BAIAP2L1: variants seen among roughly 807,000 people sequenced by gnomAD.
BAIAP2L1 encodes the protein BAR/IMD domain containing adaptor protein 2 like 1, also known as BAR/IMD domain-containing adapter protein 2-like 1.
BAIAP2L1 carries 35 observed loss-of-function variants against 66.3 expected under a neutral mutation model. The observed-to-expected ratio is 0.53, with a 90% confidence interval of 0.40 to 0.70. The LOEUF is 0.70. BAIAP2L1 is among the 30% of genes least tolerant of loss of function. The pLI, the probability that BAIAP2L1 is intolerant of heterozygous loss-of-function variation, is 0.00. For synonymous variants in BAIAP2L1, 269 were observed against 248.7 expected (o/e 1.08, Z -0.77); for missense variants, 622 against 656.9 (o/e 0.95, Z 0.58).
At chr7:98,394,648 C>T (rs74922067) in intron 1 of BAIAP2L1, among the ~76,000 whole-genome samples, 24 of 152,246 alleles carry the variant, frequency 1.6e-4, no homozygotes, top group Non-Finnish European at 2.8e-4. Context: ...GCAACTGGTG[C>T]GTCACTGTGG....
intron 12 of BAIAP2L1, among the ~76,000 whole-genome samples, chr7:98,296,031 G>C (rs1800174343): frequency 6.6e-6 from 1 of 152,124 alleles, no homozygotes; most frequent in South Asian, 2.1e-4. Context: ...GGCAGCCCTG[G>C]AGAAACAGCC....
At chr7:98,380,645 C>T (rs1802732870) in intron 1 of BAIAP2L1, among the ~76,000 whole-genome samples, 1 of 151,260 alleles carries the variant, frequency 6.6e-6, no homozygotes, top group Admixed American at 6.6e-5. Context: ...ATCACCCAGG[C>T]TGGTTTCAGA....
At chr7:98,365,229 T>G (rs139974479) in intron 1 of BAIAP2L1, among the ~76,000 whole-genome samples, 24 of 152,126 alleles carry the variant, frequency 1.6e-4, no homozygotes, top group African/African-American at 5.5e-4. Context: ...ATGTGGAAAA[T>G]TATGTCCTTC....
Position 98,330,004 on chromosome 7 carries a change from C to T in BAIAP2L1, c.215-9706G>A, listed in dbSNP as rs538158163. On this transcript the variant is annotated intron_variant, in intron 3 of 13. Coordinates refer to ENST00000005260, the MANE Select transcript of BAIAP2L1 (RefSeq NM_018842.5). ...CAGAGGAAAACCAAAGCCTCTGACT[C>T]CGTTACAAATACAGCTTCCTCTATC... is the stretch of plus-strand genomic sequence containing the variant. Among the ~76,000 whole-genome samples, 21 of 152,276 alleles carry T rather than the reference C, an allele frequency of 1.4e-4. 1 individual carries two copies. Among genetic ancestry groups the T allele is most frequent in the Middle Eastern group, 6.8e-3 (2 of 294 alleles).
intron 1 of BAIAP2L1, among the ~76,000 whole-genome samples, chr7:98,376,211 A>G (rs1802624001): frequency 6.6e-6 from 1 of 152,110 alleles, no homozygotes; most frequent in African/African-American, 2.4e-5. Context: ...AGTCAATTAA[A>G]CACTAATCTA....
Position 98,292,873 on chromosome 7 carries a change from G to A in BAIAP2L1, c.*648C>T, listed in dbSNP as rs188329372. On this transcript the variant is annotated 3_prime_UTR_variant, in exon 14 of 14. Transcript: ENST00000005260. ...CTAACTACCAAGAAAAGGAGCTCTC[G>A]GAGGAGATTTCGTCGAGTGCTACGT... The A allele has an allele frequency of 9.0e-4, 1,306 of 1,445,414 alleles. 2 individuals are homozygous for A. The highest frequency in any genetic ancestry group is 1.0e-3 in the Non-Finnish European group (1,111 of 1,100,566). 89.5% of individuals were successfully genotyped at this position (1,445,414 alleles called of 1,614,324 possible). A position where few individuals can be genotyped will look rare whatever the true frequency, so the allele number is the denominator to read the frequency against.
intron 3 of BAIAP2L1, among the ~76,000 whole-genome samples, chr7:98,351,572 GGAGA>G (rs1227608477): frequency 9.9e-5 from 15 of 152,096 alleles, no homozygotes; most frequent in Non-Finnish European, 2.2e-4. Context: ...GAGACAATGG[GGAGA>G]GAGAGGATGT....
rs149353640 is a variant in BAIAP2L1, at chr7:98,355,099, C to T, written c.157G>A (p.Asp53Asn). ...ATCTCACCGATCTTGGCCACTCCAT[C>T]GTAGTAGGCTTTTCCTGCCAGGATC... ...AMILAGKAYYDGVAKIGEIAT... is the reference protein window; with the variant it reads ...AMILAGKAYYNGVAKIGEIAT... Residue 53 changes from aspartate (D) to asparagine (N), a missense_variant, in exon 3 of 14, where the codon GAT becomes AAT. By Grantham distance (23) the Asp-to-Asn change is conservative. Coordinates refer to ENST00000005260, the MANE Select transcript of BAIAP2L1 (RefSeq NM_018842.5). The T allele has an allele frequency of 2.0e-5, 32 of 1,613,700 alleles. No individual in the cohort carries two copies. The highest frequency in any genetic ancestry group is 1.6e-4 in the Middle Eastern group (1 of 6,084).
chr7:98,353,454 ATATT>A (rs1327810755), intron 3 of BAIAP2L1, among the ~76,000 whole-genome samples: 1 of 136,124 alleles, frequency 7.3e-6, no homozygotes, highest in African/African-American at 2.7e-5. Flanking sequence ...ATATACATAC[ATATT>A]TATATTATAA....
intron 1 of BAIAP2L1, among the ~76,000 whole-genome samples, chr7:98,367,584 A>G (rs1249902434): frequency 7.6e-6 from 1 of 131,732 alleles, no homozygotes; most frequent in Non-Finnish European, 1.6e-5. Flanking sequence ...CGCCCAGGCT[A>G]GAGTGCAGTG....
chr7:98,360,346 CTTGTGTTCTAACGT>C (rs1310987038), intron 2 of BAIAP2L1, among the ~76,000 whole-genome samples: 2 of 152,148 alleles, frequency 1.3e-5, no homozygotes, highest in South Asian at 4.1e-4. Context: ...CCCAGCCTGC[CTTGTGTTCTAACGT>C]AACTGTGGAC....
At chr7:98,348,568 AC>A (rs1199211606) in intron 3 of BAIAP2L1, among the ~76,000 whole-genome samples, 32 of 146,102 alleles carry the variant, frequency 2.2e-4, no homozygotes, top group South Asian at 1.9e-3. Context: ...CTCTGCCTCC[AC>A]AAAAAAAAAA....
At chr7:98,394,849 C>T (rs998809422) in intron 1 of BAIAP2L1, among the ~76,000 whole-genome samples, 6 of 152,182 alleles carry the variant, frequency 3.9e-5, no homozygotes, top group Admixed American at 1.3e-4. Flanking sequence ...CAGTGGCTCA[C>T]GCCTGCAATC....
At chr7:98,360,049 C>T (rs995603395) in intron 2 of BAIAP2L1, among the ~76,000 whole-genome samples, 1 of 151,778 alleles carries the variant, frequency 6.6e-6, no homozygotes, top group Non-Finnish European at 1.5e-5. Flanking sequence ...CAGCCTCCCA[C>T]GTAGTTGGGA....
At chr7:98,303,308 G>A (rs1800502274) in intron 12 of BAIAP2L1, among the ~76,000 whole-genome samples, 1 of 152,104 alleles carries the variant, frequency 6.6e-6, no homozygotes, top group East Asian at 1.9e-4. Flanking sequence ...AAGGTATAGG[G>A]GCCTGGCTCC....
rs749512299 is a variant in BAIAP2L1, at chr7:98,393,134, C to T, written c.51+7668G>A. ...ATGTACACATATATGTATATATACACACATATGTGTACATATATATGTACA... is the reference window on the plus strand; with the variant it reads ...ATGTACACATATATGTATATATACATACATATGTGTACATATATATGTACA... On this transcript the variant is annotated intron_variant, in intron 1 of 13. Coordinates refer to ENST00000005260, the MANE Select transcript of BAIAP2L1 (RefSeq NM_018842.5). 9.4e-4 allele frequency among the ~76,000 whole-genome samples: 67 copies of T among 71,494 alleles called. 3 individuals carry two copies. The highest frequency in any genetic ancestry group is 1.7e-3 in the Non-Finnish European group (54 of 32,076). The allele number at this position is 71,494 out of a possible 152,430, so 46.9% of individuals were successfully genotyped here.
chr7:98,323,655 GGCTTCCCGCA>G (rs1234809689), intron 3 of BAIAP2L1, among the ~76,000 whole-genome samples: 1 of 152,192 alleles, frequency 6.6e-6, no homozygotes, highest in Non-Finnish European at 1.5e-5. Context: ...TCCTGCCCGT[GGCTTCCCGCA>G]GCATGGCGGA....
At chr7:98,358,105 A>G (rs1376906106) in intron 2 of BAIAP2L1, among the ~76,000 whole-genome samples, 1 of 152,228 alleles carries the variant, frequency 6.6e-6, no homozygotes. Context: ...ACAATATTTA[A>G]GCAAAATGTT....
At chr7:98,395,848 CAGTG>C (rs1473697451) in intron 1 of BAIAP2L1, among the ~76,000 whole-genome samples, 1 of 151,996 alleles carries the variant, frequency 6.6e-6, no homozygotes, top group Non-Finnish European at 1.5e-5. Context: ...CTGGGCAACA[CAGTG>C]AGACACCATC....
Sources: gnomAD v4.1 joint callset for allele counts (sites outside exome capture counted in the v4.1 genomes callset) on GRCh38, gnomAD v4.1.1 for gene constraint, MANE v1.5 for transcripts, NCBI Gene and HGNC (gene_info 2026-07-23, HGNC 2026-07-21) for gene names.